FIGN: variants seen among roughly 807,000 people sequenced by gnomAD.
FIGN encodes the protein fidgetin, microtubule severing factor, also known as fidgetin.
FIGN carries 11 observed loss-of-function variants against 51.3 expected under a neutral mutation model. The ratio of observed to expected loss-of-function variants is 0.21; its 90% CI spans 0.13 to 0.35. FIGN has a LOEUF of 0.35. Ranked by LOEUF, FIGN falls within the 10% of genes least tolerant of loss-of-function variation. FIGN has a pLI of 1.00. For synonymous variants in FIGN, 407 were observed against 363.2 expected (o/e 1.12, Z -1.37); for missense variants, 857 against 943.6 (o/e 0.91, Z 1.20).
intron 2 of FIGN, among the ~76,000 whole-genome samples, chr2:163,669,458 A>G (rs1683841486): frequency 6.6e-6 from 1 of 152,222 alleles, no homozygotes; most frequent in African/African-American, 2.4e-5. Context: ...CCAATAAATA[A>G]GAATGCATTT....
intron 2 of FIGN, among the ~76,000 whole-genome samples, chr2:163,669,763 TGAAACTTAATATACGTCAA>T (rs1480693919): frequency 6.6e-6 from 1 of 152,086 alleles, no homozygotes; most frequent in Non-Finnish European, 1.5e-5. Flanking sequence ...CCCAAAGAAA[TGAAACTTAATATACGTCAA>T]GATGTTAGCC....
chr2:163,677,681 T>C (rs1683993340), intron 2 of FIGN, among the ~76,000 whole-genome samples: 1 of 152,218 alleles, frequency 6.6e-6, no homozygotes, highest in Admixed American at 6.5e-5. Flanking sequence ...TTAAATTCTC[T>C]TTTTTTATTC....
At chr2:163,631,996 A>G (rs1683152424) in intron 2 of FIGN, among the ~76,000 whole-genome samples, 1 of 152,100 alleles carries the variant, frequency 6.6e-6, no homozygotes, top group Non-Finnish European at 1.5e-5. Flanking sequence ...AAAAATACAG[A>G]ACTTAGCCAG....
At chr2:163,705,501 G>A (rs1313144118) in intron 2 of FIGN, among the ~76,000 whole-genome samples, 1 of 151,948 alleles carries the variant, frequency 6.6e-6, no homozygotes, top group Admixed American at 6.6e-5. Flanking sequence ...CAAGACAATG[G>A]CAGAACTAAA....
chr2:163,703,591 T>C (rs1684443601), intron 2 of FIGN, among the ~76,000 whole-genome samples: 1 of 152,130 alleles, frequency 6.6e-6, no homozygotes, highest in Admixed American at 6.6e-5. Context: ...TAAATATGTC[T>C]TCTCCTTTTA....
At chr2:163,735,403 C>T (rs1684999445) in intron 1 of FIGN, among the ~76,000 whole-genome samples, 1 of 152,162 alleles carries the variant, frequency 6.6e-6, no homozygotes, top group Non-Finnish European at 1.5e-5. Context: ...TGTAATTTAA[C>T]CTCAACTTTT....
chr2:163,651,368 A>T (rs1683473030), intron 2 of FIGN, among the ~76,000 whole-genome samples: 1 of 152,150 alleles, frequency 6.6e-6, no homozygotes, highest in African/African-American at 2.4e-5. Context: ...AGGCTGAGGC[A>T]GGAGAATCAT....
intron 2 of FIGN, among the ~76,000 whole-genome samples, chr2:163,614,816 AT>A (rs891743210): frequency 7.9e-5 from 12 of 152,136 alleles, no homozygotes; most frequent in Admixed American, 3.3e-4. Context: ...GAAACTGCTT[AT>A]TTTTTTAAAA....
chr2:163,629,278 G>A (rs976599020), intron 2 of FIGN, among the ~76,000 whole-genome samples: 1 of 152,190 alleles, frequency 6.6e-6, no homozygotes, highest in African/African-American at 2.4e-5. Flanking sequence ...CAGACAGAGT[G>A]TTTAATTGTA....
At chr2:163,692,629 T>C (rs545290510) in intron 2 of FIGN, among the ~76,000 whole-genome samples, 1 of 152,304 alleles carries the variant, frequency 6.6e-6, no homozygotes, top group South Asian at 2.1e-4. Context: ...TGAAAGGTAA[T>C]AGAGGAGACA....
chr2:163,724,339 T>C (rs895832387), intron 2 of FIGN, among the ~76,000 whole-genome samples: 2 of 152,222 alleles, frequency 1.3e-5, no homozygotes, highest in African/African-American at 4.8e-5. Context: ...CAGTTCTGAA[T>C]AGATATCTTC....
rs185871809 is a variant in FIGN, at chr2:163,699,988, A to C, written c.25+34915T>G. Among the ~76,000 whole-genome samples, 132 of 152,228 alleles carry C rather than the reference A, an allele frequency of 8.7e-4. No homozygotes were observed. The Middle Eastern group carries it at 0.027, about 31-fold the overall frequency. On this transcript the variant is annotated intron_variant, in intron 2 of 2. Transcript: ENST00000333129. ...CATGTTATTTTTGTGTTACCCTATG[A>C]CTGACTGTATGAAATTATGATTGGA...
At position 163,605,657 on chromosome 2, in the gene FIGN, AACTTT is replaced by A. The variant is rs763529285; in HGVS notation, c.*3890_*3894del. 1 of 151,802 alleles carries A rather than the reference AACTTT, an allele frequency of 6.6e-6. No individual in the cohort carries two copies. Among genetic ancestry groups the A allele is most frequent in the Non-Finnish European group, 1.5e-5 (1 of 67,936 alleles). 9.4% of individuals were successfully genotyped at this position (151,802 alleles called of 1,614,324 possible). ...TTTTATATTTATATATATATATTAG[AACTTT>A]ACTTTAGTGGCCTCAATAGTTCAAC... On this transcript the variant is annotated 3_prime_UTR_variant, in exon 3 of 3. Coordinates refer to ENST00000333129, the MANE Select transcript of FIGN (RefSeq NM_018086.4).
At chr2:163,715,249 G>C (rs764687015) in intron 2 of FIGN, among the ~76,000 whole-genome samples, 3 of 152,144 alleles carry the variant, frequency 2.0e-5, no homozygotes, top group African/African-American at 7.2e-5. Context: ...CTCAGTACTC[G>C]AGCTCACCAG....
chr2:163,683,179 G>A lies in FIGN; in HGVS notation c.25+51724C>T, dbSNP rs185252147. Among the ~76,000 whole-genome samples the A allele has an allele frequency of 9.2e-3, 1,403 of 152,230 alleles. 20 individuals are homozygous for A. The highest frequency in any genetic ancestry group is 0.013 in the Non-Finnish European group (915 of 68,010). On this transcript the variant is annotated intron_variant, in intron 2 of 2. Transcript: ENST00000333129. ...TGCCTCAAAGCCCCCAGGATTACAA[G>A]TGAAATAGTTTTTAAAAGAATTCAC...
intron 2 of FIGN, among the ~76,000 whole-genome samples, chr2:163,634,600 G>T (rs548087429): frequency 1.3e-5 from 2 of 152,234 alleles, no homozygotes; most frequent in East Asian, 3.9e-4. Context: ...GTGTATGTGT[G>T]TCTACCAAAA....
chr2:163,635,829 T>A (rs1683215152), intron 2 of FIGN, among the ~76,000 whole-genome samples: 1 of 152,088 alleles, frequency 6.6e-6, no homozygotes, highest in South Asian at 2.1e-4. Context: ...AGATATGACA[T>A]TTTTAAGAAA....
rs192515119 is a variant in FIGN at position 163,718,778 on chromosome 2, G to A, written c.25+16125C>T. Among the ~76,000 whole-genome samples the A allele has an allele frequency of 7.9e-4, 120 of 152,026 alleles. No individual in the cohort carries two copies. The Middle Eastern group carries it at 0.017, about 22-fold the overall frequency. On this transcript the variant is annotated intron_variant, in intron 2 of 2. Coordinates refer to ENST00000333129, the MANE Select transcript of FIGN (RefSeq NM_018086.4). ...TTAGAAAGCAAGAGAGAGATTGTATGTTTCGAGTGCCTAAGTATATTGATA... is the reference window on the plus strand; with the variant it reads ...TTAGAAAGCAAGAGAGAGATTGTATATTTCGAGTGCCTAAGTATATTGATA...
rs1683083975 is a variant in FIGN at position 163,628,081 on chromosome 2, G to A, written c.26-16275C>T. Among the ~76,000 whole-genome samples, 6 of 152,278 alleles carry A rather than the reference G, an allele frequency of 3.9e-5. No individual in the cohort carries two copies. The South Asian group carries it at 1.2e-3, about 32-fold the overall frequency. On this transcript the variant is annotated intron_variant, in intron 2 of 2. Transcript: ENST00000333129. Reference sequence around the variant, plus strand: ...CAGTTGGCTACACAGTTTAAAAAATGACAAATGGTGATCACGCTCTAATAA... The same window carrying A: ...CAGTTGGCTACACAGTTTAAAAAATAACAAATGGTGATCACGCTCTAATAA...
Sources: allele counts gnomAD v4.1 joint callset (sites outside exome capture counted in the v4.1 genomes callset), GRCh38; gene constraint gnomAD v4.1.1; transcripts MANE v1.5; gene names NCBI Gene and HGNC (gene_info 2026-07-23, HGNC 2026-07-21).